The following PALLD variants were observed in gnomAD, a reference collection of about 807,000 sequenced individuals.
PALLD encodes palladin, cytoskeletal associated protein, also known as palladin.
In PALLD, 61 loss-of-function variants were observed where a neutral mutation model predicts 123.5. That is an observed-to-expected ratio of 0.49 (90% CI 0.40 to 0.61). PALLD has a LOEUF of 0.61. Ranked by LOEUF, PALLD falls within the 20% of genes least tolerant of loss-of-function variation. The pLI is 0.00. For missense variants in PALLD, 1,273 were observed against 1,377.0 expected, an observed-to-expected ratio of 0.92 and a Z score of 1.20; for synonymous variants, 465 against 496.4, an observed-to-expected ratio of 0.94 and a Z score of 0.84.
At chr4:168,508,477 A>T (rs1762227645) in intron 1 of PALLD, among the ~76,000 whole-genome samples, 3 of 152,132 alleles carry the variant, frequency 2.0e-5, no homozygotes, top group South Asian at 4.1e-4. Flanking sequence ...CATGTAGTAC[A>T]TCTATCCCAG....
At chr4:168,701,670 C>T (rs1366812375) in intron 8 of PALLD, among the ~76,000 whole-genome samples, 1 of 152,210 alleles carries the variant, frequency 6.6e-6, no homozygotes, top group African/African-American at 2.4e-5. Context: ...GTTGAAGCAT[C>T]CTCAGGCATT....
intron 2 of PALLD, among the ~76,000 whole-genome samples, chr4:168,618,200 G>A (rs922970992): frequency 2.0e-5 from 3 of 152,116 alleles, no homozygotes; most frequent in South Asian, 2.1e-4. Flanking sequence ...TTCCTTTTCT[G>A]TAGAAAGGAA....
At chr4:168,773,074 T>C (rs1397263802) in intron 10 of PALLD, among the ~76,000 whole-genome samples, 1 of 152,190 alleles carries the variant, frequency 6.6e-6, no homozygotes, top group Non-Finnish European at 1.5e-5. Context: ...TGACATTCTC[T>C]CAAGAGTTTA....
chr4:168,925,416 G>A, intron 21 of PALLD, 138 bp downstream of exon 21: 1 of 737,906 alleles, frequency 1.4e-6, no homozygotes, highest in Non-Finnish European at 2.5e-6. Context: ...TTTTTCACAT[G>A]TTCTTGTTAC....
chr4:168,893,183 T>TA (rs900882328), intron 11 of PALLD, among the ~76,000 whole-genome samples: 7 of 152,216 alleles, frequency 4.6e-5, no homozygotes, highest in Admixed American at 4.6e-4. Context: ...TTTGATGTGT[T>TA]ACAATTCTCC....
At chr4:168,634,315 T>G (rs1268449096) in intron 2 of PALLD, among the ~76,000 whole-genome samples, 1 of 152,230 alleles carries the variant, frequency 6.6e-6, no homozygotes, top group Non-Finnish European at 1.5e-5. Flanking sequence ...TCAGTGACCT[T>G]CCCATTTGTT....
At chr4:168,687,450 A>G (rs777982962) in intron 6 of PALLD, among the ~76,000 whole-genome samples, 2 of 152,244 alleles carry the variant, frequency 1.3e-5, no homozygotes, top group Non-Finnish European at 2.9e-5. Context: ...AGAGTTTTGC[A>G]CAAGCAGCTT....
intron 10 of PALLD, among the ~76,000 whole-genome samples, chr4:168,867,018 A>G (rs1049943933): frequency 2.0e-5 from 3 of 152,220 alleles, no homozygotes; most frequent in Admixed American, 6.5e-5. Flanking sequence ...TGCTTTGGTT[A>G]GAGACATGGT....
intron 3 of PALLD, among the ~76,000 whole-genome samples, chr4:168,676,005 G>A (rs1356384919): frequency 6.6e-6 from 1 of 152,058 alleles, no homozygotes; most frequent in African/African-American, 2.4e-5. Flanking sequence ...GAAGTAGCTG[G>A]GATGGCACCA....
At chr4:168,720,675 C>G (rs1785917909) in intron 10 of PALLD, among the ~76,000 whole-genome samples, 1 of 152,142 alleles carries the variant, frequency 6.6e-6, no homozygotes, top group African/African-American at 2.4e-5. Context: ...CCTCCTTTCT[C>G]TCACTCCCAG....
chr4:168,600,080 CAT>C (rs745859220), intron 2 of PALLD, among the ~76,000 whole-genome samples: 136 of 99,000 alleles, frequency 1.4e-3, no homozygotes, highest in East Asian at 7.5e-3. Context: ...TATACACACA[CAT>C]ATATACATGC....
At chr4:168,817,190 A>G (rs1742092738) in intron 10 of PALLD, among the ~76,000 whole-genome samples, 1 of 152,200 alleles carries the variant, frequency 6.6e-6, no homozygotes, top group Non-Finnish European at 1.5e-5. Context: ...CATGTGTCTG[A>G]AGAGATGTTT....
At chr4:168,640,006 T>G (rs570929599) in intron 2 of PALLD, among the ~76,000 whole-genome samples, 1 of 152,310 alleles carries the variant, frequency 6.6e-6, no homozygotes, top group Admixed American at 6.5e-5. Flanking sequence ...ATCCAAGTGC[T>G]CCATGCATCT....
At chr4:168,903,973 G>T (rs982691761) in intron 15 of PALLD, 67 bp downstream of exon 15, 3 of 1,410,130 alleles carry the variant, frequency 2.1e-6, no homozygotes, top group African/African-American at 2.8e-5. Context: ...ATTAGACAAA[G>T]GAACTATTTA....
chr4:168,583,517 A>G (rs1471688737), intron 2 of PALLD, among the ~76,000 whole-genome samples: 1 of 152,096 alleles, frequency 6.6e-6, no homozygotes, highest in Non-Finnish European at 1.5e-5. Flanking sequence ...CTTGGAGTAG[A>G]AAGGTTCTAG....
chr4:168,632,817 CAG>C (rs911563954), intron 2 of PALLD, among the ~76,000 whole-genome samples: 4 of 152,180 alleles, frequency 2.6e-5, no homozygotes, highest in African/African-American at 9.7e-5. Flanking sequence ...ATGACTTTTA[CAG>C]AGAGAGTTCC....
chr4:168,671,363 G>A lies in PALLD; in HGVS notation c.1087+2995G>A, dbSNP rs190494485. Among the ~76,000 whole-genome samples the A allele has an allele frequency of 2.0e-4, 31 of 152,256 alleles. No homozygotes were observed. In the East Asian group the frequency reaches 3.3e-3, roughly 16 times the overall value. The stretch of plus-strand genomic sequence containing the variant: ...GTATCCCTCTAGTTCTATATGGTAC[G>A]TATCTTTCATGTTCGGGACTTCAAC... On this transcript the variant is annotated intron_variant, in intron 3 of 21. Transcript: ENST00000505667.
chr4:168,746,832 A>AC (rs753654590), intron 10 of PALLD, among the ~76,000 whole-genome samples: 2 of 152,078 alleles, frequency 1.3e-5, no homozygotes, highest in Non-Finnish European at 2.9e-5. Context: ...AGGGGTTGAG[A>AC]CAATAGTTGA....
intron 10 of PALLD, among the ~76,000 whole-genome samples, chr4:168,843,576 G>T (rs1454372356): frequency 1.3e-5 from 2 of 152,078 alleles, no homozygotes; most frequent in Admixed American, 6.6e-5. Context: ...GTTTTGATTT[G>T]CACAGTAGTA....
Sources: allele counts gnomAD v4.1 joint callset (sites outside exome capture counted in the v4.1 genomes callset), GRCh38; gene constraint gnomAD v4.1.1; transcripts MANE v1.5; gene names NCBI Gene and HGNC (gene_info 2026-07-23, HGNC 2026-07-21).